The following ZFHX3 variants were observed in gnomAD, a reference collection of about 807,000 sequenced individuals.
ZFHX3 encodes the protein zinc finger homeobox 3.
A neutral mutation model predicts 279.1 loss-of-function variants in ZFHX3; 42 were observed. The ratio of observed to expected loss-of-function variants is 0.15; its 90% CI spans 0.12 to 0.19. The LOEUF is 0.19. Among genes scored for constraint, ZFHX3 ranks in the 10% least tolerant of loss-of-function variants. The pLI is 1.00. For missense variants in ZFHX3, 4,981 were observed against 4,754.0 expected (o/e 1.05, Z -1.40); for synonymous variants, 2,293 against 1,957.8 (o/e 1.17, Z -4.52).
rs568606203 is a variant in ZFHX3, at chr16:73,430,737, A to T, written c.-1291+25266T>A. On this transcript the variant is annotated intron_variant, in intron 3 of 17. Coordinates refer to the ZFHX3 transcript ENST00000641206. ...AGGTCATGAACAGGGGAGGTGACAC[A>T]TACACACTTAGGACAATGTCTGGCA... Among the ~76,000 whole-genome samples, 91 of 152,350 alleles carry T rather than the reference A, an allele frequency of 6.0e-4. 3 individuals are homozygous for T. The South Asian group carries it at 0.018, about 31-fold the overall frequency.
At chr16:73,680,311 T>C (rs1239072310) in intron 1 of ZFHX3, 1 of 151,976 alleles carries the variant, frequency 6.6e-6, no homozygotes, top group East Asian at 1.9e-4. Flanking sequence ...TCAAAGGCAA[T>C]TGAAAATGGT....
At chr16:73,273,855 T>C (rs2014221014) in intron 4 of ZFHX3, among the ~76,000 whole-genome samples, 1 of 152,118 alleles carries the variant, frequency 6.6e-6, no homozygotes, top group South Asian at 2.1e-4. Flanking sequence ...TGTATTTAAA[T>C]TTGTAGGCCG....
chr16:73,885,314 TA>T (rs1398411481), intron 1 of ZFHX3, among the ~76,000 whole-genome samples: 2 of 152,186 alleles, frequency 1.3e-5, no homozygotes, highest in African/African-American at 4.8e-5. Flanking sequence ...AATTTATTTT[TA>T]AAAAACTTTT....
intron 7 of ZFHX3, chr16:72,807,249 G>C (rs777289741): frequency 2.6e-5 from 4 of 152,212 alleles, no homozygotes; most frequent in Non-Finnish European, 5.9e-5. Context: ...CAGTTGTGGA[G>C]GGGCCCTTGT....
At chr16:72,929,448 A>G (rs991276166) in intron 3 of ZFHX3, among the ~76,000 whole-genome samples, 3 of 152,152 alleles carry the variant, frequency 2.0e-5, no homozygotes, top group Non-Finnish European at 2.9e-5. Context: ...AGCTCCCTCA[A>G]ATGCACCCCA....
chr16:73,719,313 CT>C (rs1157613323), intron 1 of ZFHX3, among the ~76,000 whole-genome samples: 1 of 152,218 alleles, frequency 6.6e-6, no homozygotes, highest in Admixed American at 6.5e-5. Flanking sequence ...GCTGCTGTCT[CT>C]TCTCACGCTG....
intron 7 of ZFHX3, among the ~76,000 whole-genome samples, chr16:72,806,346 T>G (rs76482533): frequency 0.033 from 5,087 of 152,168 alleles, 618 homozygotes; most frequent in East Asian, 0.28. Flanking sequence ...AGGAAACACA[T>G]GAAGAGTTAT....
At chr16:73,342,460 T>G (rs1232915134) in intron 3 of ZFHX3, among the ~76,000 whole-genome samples, 1 of 152,168 alleles carries the variant, frequency 6.6e-6, no homozygotes, top group Non-Finnish European at 1.5e-5. Context: ...TAAACGATGG[T>G]GCAATCAGAC....
intron 3 of ZFHX3, among the ~76,000 whole-genome samples, chr16:73,351,463 G>C (rs2016240629): frequency 1.3e-5 from 2 of 152,182 alleles, no homozygotes; most frequent in Admixed American, 1.3e-4. Context: ...CCTGGGAGAG[G>C]GGACAGCTGT....
At chr16:73,085,865 A>G (rs1966005359) in intron 8 of ZFHX3, among the ~76,000 whole-genome samples, 1 of 152,088 alleles carries the variant, frequency 6.6e-6, no homozygotes, top group Admixed American at 6.6e-5. Flanking sequence ...CTGTACAGCA[A>G]AGGAAACAAT....
At chr16:73,503,518 G>A (rs2019273844) in intron 2 of ZFHX3, among the ~76,000 whole-genome samples, 1 of 152,216 alleles carries the variant, frequency 6.6e-6, no homozygotes, top group African/African-American at 2.4e-5. Flanking sequence ...CCTCCTGGAG[G>A]AGATTGACAG....
At position 72,950,779 on chromosome 16, in the gene ZFHX3, C is replaced by T. The variant is rs1355742857; in HGVS notation, c.2906G>A (p.Arg969His). 1.2e-6 allele frequency: 2 copies of T among 1,614,182 alleles called. No individual in the cohort carries two copies. The highest frequency in any genetic ancestry group is 1.7e-6 in the Non-Finnish European group (2 of 1,180,040). Residue 969 changes from arginine (R) to histidine (H), a missense_variant, in exon 3 of 10, where the codon CGC becomes CAC. By Grantham distance (29) the Arg-to-His change is conservative (BLOSUM62 0). Around this residue, in one of 7 missense-constraint regions of ZFHX3, gnomAD observed 1,751 missense variants for 1,770.0 expected, o/e 0.99. Coordinates refer to ENST00000268489, the MANE Select transcript of ZFHX3 (RefSeq NM_006885.4). Reference protein sequence around the residue: ...DMLGLHMNVERSLSEDEWKAV... With the variant: ...DMLGLHMNVEHSLSEDEWKAV... Reference sequence around the variant, plus strand: ...CTTCCACTCGTCCTCCGACAGGCTGCGCTCCACGTTCATGTGCAGGCCCAG... The same window carrying T: ...CTTCCACTCGTCCTCCGACAGGCTGTGCTCCACGTTCATGTGCAGGCCCAG...
At chr16:73,763,341 G>A (rs550908507) in intron 1 of ZFHX3, among the ~76,000 whole-genome samples, 2 of 152,318 alleles carry the variant, frequency 1.3e-5, no homozygotes, top group South Asian at 2.1e-4. Flanking sequence ...ATGGGCTTGA[G>A]TGAGGTGTGT....
rs552437658 is a variant in ZFHX3 at position 72,828,627 on chromosome 16, C to T, written c.3529+1152G>A. On this transcript the variant is annotated intron_variant, in intron 5 of 9. Transcript: ENST00000268489. Reference sequence around the variant, plus strand: ...GGGAGGACAGGAAGAATATGCAGGGCAGGCACCACCTGTGCAGGGCCCTGC... The same window carrying T: ...GGGAGGACAGGAAGAATATGCAGGGTAGGCACCACCTGTGCAGGGCCCTGC... Among the ~76,000 whole-genome samples the T allele has an allele frequency of 4.8e-3, 685 of 143,504 alleles. 3 individuals carry two copies. Among genetic ancestry groups the T allele is most frequent in the Non-Finnish European group, 8.4e-3 (569 of 67,768 alleles). 94.1% of individuals were successfully genotyped at this position (143,504 alleles called of 152,430 possible).
intron 1 of ZFHX3, among the ~76,000 whole-genome samples, chr16:73,007,686 C>A (rs567720699): frequency 6.6e-6 from 1 of 152,190 alleles, no homozygotes; most frequent in African/African-American, 2.4e-5. Flanking sequence ...ACCTCGTGAT[C>A]CACCCGCCGC....
chr16:73,838,971 C>T (rs1961219929), intron 1 of ZFHX3, among the ~76,000 whole-genome samples: 1 of 151,960 alleles, frequency 6.6e-6, no homozygotes, highest in Non-Finnish European at 1.5e-5. Context: ...CAAGGAAGAA[C>T]CAGGATGTCA....
chr16:73,737,441 T>C (rs1353449933), intron 1 of ZFHX3, among the ~76,000 whole-genome samples: 1 of 152,170 alleles, frequency 6.6e-6, no homozygotes, highest in Non-Finnish European at 1.5e-5. Context: ...TGATCATCCT[T>C]TGTGGGATGA....
At chr16:73,104,277 C>T (rs1597157697) in intron 7 of ZFHX3, among the ~76,000 whole-genome samples, 1 of 152,026 alleles carries the variant, frequency 6.6e-6, no homozygotes, top group Admixed American at 6.5e-5. Flanking sequence ...GTCACCCAGG[C>T]TGGAGTGCAG....
At chr16:73,356,832 T>C (rs977441143) in intron 3 of ZFHX3, among the ~76,000 whole-genome samples, 3 of 151,156 alleles carry the variant, frequency 2.0e-5, no homozygotes, top group Admixed American at 1.3e-4. Flanking sequence ...GATGCTCACC[T>C]GAGGGCTTTT....
Sources: allele counts gnomAD v4.1 joint callset (sites outside exome capture counted in the v4.1 genomes callset), GRCh38; gene constraint gnomAD v4.1.1; regional missense constraint gnomAD v4.1.1; transcripts MANE v1.5; gene names NCBI Gene and HGNC (gene_info 2026-07-23, HGNC 2026-07-21).